TBC1D22A: variants seen among roughly 807,000 people sequenced by gnomAD.
TBC1D22A encodes TBC1 domain family member 22A, also known as putative GTPase activator.
Under a neutral mutation model 60.2 loss-of-function variants are expected in TBC1D22A, and 38 were observed. That is an observed-to-expected ratio of 0.63 (90% CI 0.49 to 0.83). TBC1D22A has a LOEUF of 0.83. Ranked by LOEUF, TBC1D22A falls within the 40% of genes least tolerant of loss-of-function variation. The pLI is 0.00. For synonymous variants in TBC1D22A, 302 were observed against 281.7 expected (o/e 1.07, Z -0.72); for missense variants, 628 against 701.0 (o/e 0.90, Z 1.18).
intron 7 of TBC1D22A, among the ~76,000 whole-genome samples, chr22:46,904,040 T>A (rs569355122): frequency 6.6e-6 from 1 of 152,034 alleles, no homozygotes; most frequent in African/African-American, 2.4e-5. Flanking sequence ...ATATGAAATC[T>A]GTCATATATA....
At position 47,160,521 on chromosome 22, in the gene TBC1D22A, C is replaced by G. The variant is rs569869920; in HGVS notation, c.1426-12977C>G. On this transcript the variant is annotated intron_variant, in intron 12 of 12. Coordinates refer to ENST00000337137, the MANE Select transcript of TBC1D22A (RefSeq NM_014346.5). ...GGCATCCTGCAGGCCACGTGGACAC[C>G]TGGGCTCCGGGGCAGTGGGAGGTCT... Among the ~76,000 whole-genome samples the G allele has an allele frequency of 4.6e-5, 7 of 152,320 alleles. No homozygotes were observed. In the South Asian group the frequency reaches 1.0e-3, roughly 23 times the overall value.
intron 12 of TBC1D22A, among the ~76,000 whole-genome samples, chr22:47,135,751 A>G (rs1011603403): frequency 1.3e-5 from 2 of 152,224 alleles, no homozygotes; most frequent in Admixed American, 1.3e-4. Context: ...AGGGGAAGTG[A>G]CCAAAAAGCT....
intron 11 of TBC1D22A, among the ~76,000 whole-genome samples, chr22:47,105,422 G>A (rs182987752): frequency 1.4e-4 from 22 of 152,294 alleles, no homozygotes; most frequent in Admixed American, 1.4e-3. Flanking sequence ...TAGAGAGTTA[G>A]GGGAGCAACA....
chr22:47,003,852 C>T (rs1400277436), intron 10 of TBC1D22A, among the ~76,000 whole-genome samples: 7 of 133,470 alleles, frequency 5.2e-5, no homozygotes, highest in Non-Finnish European at 1.1e-4. Flanking sequence ...CGCACACATG[C>T]CTGTATACAC....
At chr22:46,776,824 C>T (rs1434172165) in intron 1 of TBC1D22A, among the ~76,000 whole-genome samples, 3 of 151,954 alleles carry the variant, frequency 2.0e-5, no homozygotes, top group East Asian at 1.9e-4. Context: ...ATGTGTGAGC[C>T]GAGAGGGGCA....
chr22:47,042,917 G>A (rs1198893200), intron 11 of TBC1D22A, among the ~76,000 whole-genome samples: 1 of 152,234 alleles, frequency 6.6e-6, no homozygotes, highest in Non-Finnish European at 1.5e-5. Flanking sequence ...TCAGAAGGTC[G>A]CTGGAGGTGG....
intron 8 of TBC1D22A, among the ~76,000 whole-genome samples, chr22:46,944,492 A>G (rs962770370): frequency 2.7e-4 from 41 of 152,222 alleles, no homozygotes; most frequent in South Asian, 1.4e-3. Context: ...TCCGCCTCCC[A>G]GGTTCACGCC....
At chr22:47,064,381 C>T (rs2063687191) in intron 11 of TBC1D22A, among the ~76,000 whole-genome samples, 1 of 152,274 alleles carries the variant, frequency 6.6e-6, no homozygotes, top group Admixed American at 6.5e-5. Flanking sequence ...ACCAGAATCC[C>T]TGTTGCACGT....
rs1430092023 is a variant in TBC1D22A, at chr22:47,028,628, A to G, written c.1202-8443A>G. On this transcript the variant is annotated intron_variant, in intron 10 of 12. Transcript: ENST00000337137. The surrounding 1 kb of genome is among the most constrained non-coding windows in gnomAD (Gnocchi z 4.4). ...CCTCTTCTGTCTCGCCTGCCTGTGCATACTTAGCTGTGTCTTGGGTCTGAC... is the reference window on the plus strand; with the variant it reads ...CCTCTTCTGTCTCGCCTGCCTGTGCGTACTTAGCTGTGTCTTGGGTCTGAC... Among the ~76,000 whole-genome samples the G allele has an allele frequency of 6.6e-6, 1 of 152,124 alleles. No individual in the cohort carries two copies. The highest frequency in any genetic ancestry group is 2.4e-5 in the African/African-American group (1 of 41,402).
chr22:46,990,412 C>T lies in TBC1D22A; in HGVS notation c.1126-7222C>T, dbSNP rs544795277. ...GGAGGTTAGAGAGGCCCCATGTGCT[C>T]CTCAGCGTCCTCCTTCAGCCCCAGC... On this transcript the variant is annotated intron_variant, in intron 9 of 12. Coordinates refer to ENST00000337137, the MANE Select transcript of TBC1D22A (RefSeq NM_014346.5). The surrounding 1 kb of genome is among the most constrained non-coding windows in gnomAD (Gnocchi z 4.6). Among the ~76,000 whole-genome samples the T allele has an allele frequency of 6.6e-6, 1 of 152,250 alleles. No homozygotes were observed. The highest frequency in any genetic ancestry group is 2.1e-4 in the South Asian group (1 of 4,820).
intron 4 of TBC1D22A, among the ~76,000 whole-genome samples, chr22:46,848,048 C>T (rs1299913451): frequency 6.6e-6 from 1 of 151,914 alleles, no homozygotes; most frequent in African/African-American, 2.4e-5. Flanking sequence ...GACATTCCTT[C>T]TTAGAAGGGA....
At chr22:47,090,069 G>A (rs932565235) in intron 11 of TBC1D22A, among the ~76,000 whole-genome samples, 23 of 152,258 alleles carry the variant, frequency 1.5e-4, no homozygotes, top group South Asian at 6.2e-4. Flanking sequence ...CAGCGGTCCC[G>A]TGCTAGGTCT....
intron 1 of TBC1D22A, among the ~76,000 whole-genome samples, chr22:46,785,417 T>C (rs554873028): frequency 3.3e-5 from 5 of 152,214 alleles, no homozygotes; most frequent in Non-Finnish European, 7.4e-5. Context: ...TTTAAAACAT[T>C]ATAACATCTT....
intron 11 of TBC1D22A, among the ~76,000 whole-genome samples, chr22:47,077,289 C>T (rs1366260188): frequency 1.3e-5 from 2 of 152,198 alleles, no homozygotes; most frequent in East Asian, 3.8e-4. Context: ...ACATCTTTTC[C>T]TCTTTCCCTG....
At chr22:47,007,108 G>A (rs1355556439) in intron 10 of TBC1D22A, among the ~76,000 whole-genome samples, 3 of 152,176 alleles carry the variant, frequency 2.0e-5, no homozygotes, top group Admixed American at 6.5e-5. Context: ...AGACAAAAAG[G>A]CGCTATCAGA....
At position 47,152,049 on chromosome 22, in the gene TBC1D22A, C is replaced by G. The variant is rs73889428; in HGVS notation, c.1426-21449C>G. 4.6e-3 allele frequency among the ~76,000 whole-genome samples: 700 copies of G among 152,318 alleles called. 8 individuals carry two copies. The highest frequency in any genetic ancestry group is 0.016 in the African/African-American group (658 of 41,560). ...CCGTGTGAGGGTTCCTCTGGGCTGT[C>G]TGCCTGCCTGGACCTCACCCACTCT... is the stretch of plus-strand genomic sequence containing the variant. On this transcript the variant is annotated intron_variant, in intron 12 of 12. Transcript: ENST00000337137.
chr22:46,857,894 G>A (rs538897122), intron 4 of TBC1D22A, among the ~76,000 whole-genome samples: 2 of 152,242 alleles, frequency 1.3e-5, no homozygotes, highest in East Asian at 1.9e-4. Context: ...TGGACATATG[G>A]GGTGTTTCCA....
intron 11 of TBC1D22A, among the ~76,000 whole-genome samples, chr22:47,102,322 C>T (rs754313451): frequency 8.5e-5 from 13 of 152,118 alleles, no homozygotes; most frequent in Admixed American, 5.2e-4. Context: ...CCCACAGCCC[C>T]GGGGGCTTCT....
At chr22:47,001,803 G>A (rs1032857029) in intron 10 of TBC1D22A, among the ~76,000 whole-genome samples, 1 of 152,152 alleles carries the variant, frequency 6.6e-6, no homozygotes, top group African/African-American at 2.4e-5. Context: ...CAAGGCTCAT[G>A]GCTAAGTGGA....
Sources: allele counts gnomAD v4.1 joint callset (sites outside exome capture counted in the v4.1 genomes callset), GRCh38; gene constraint gnomAD v4.1.1; non-coding constraint Gnocchi (gnomAD v3.1); transcripts MANE v1.5; gene names NCBI Gene and HGNC (gene_info 2026-07-23, HGNC 2026-07-21).